The following CPAMD8 variants were observed in gnomAD, a reference collection of about 807,000 sequenced individuals.
CPAMD8 encodes C3 and PZP like alpha-2-macroglobulin domain containing 8, also known as C3 and PZP-like alpha-2-macroglobulin domain-containing protein 8.
Under a neutral mutation model 224.7 loss-of-function variants are expected in CPAMD8, and 146 were observed. The observed-to-expected ratio is 0.65, with a 90% confidence interval of 0.57 to 0.75. The LOEUF is 0.75. Among genes scored for constraint, CPAMD8 ranks in the 30% least tolerant of loss-of-function variants. The pLI is 0.00. For synonymous variants in CPAMD8, 966 were observed against 1,044.6 expected (o/e 0.92, Z 1.45); for missense variants, 2,301 against 2,537.5 (o/e 0.91, Z 2.00).
intron 6 of CPAMD8, chr19:17,008,836 C>T (rs1436669468): frequency 2.0e-6 from 1 of 500,328 alleles, no homozygotes; most frequent in Admixed American, 3.2e-5. Flanking sequence ...ACCTGTAATC[C>T]CAGCAGTTTG....
At chr19:17,001,014 G>C (rs982070140) in intron 9 of CPAMD8, among the ~76,000 whole-genome samples, 1 of 152,130 alleles carries the variant, frequency 6.6e-6, no homozygotes, top group Admixed American at 6.6e-5. Context: ...GGTGGATGGG[G>C]AACAGGAGCA....
chr19:17,002,906 T>TTC (rs2056376994), intron 8 of CPAMD8, among the ~76,000 whole-genome samples: 1 of 59,966 alleles, frequency 1.7e-5, no homozygotes, highest in Non-Finnish European at 3.4e-5. Context: ...TTTTCTTTTC[T>TTC]TTTCTTTTTT....
rs3745335 is a variant in CPAMD8, at chr19:16,977,509, G to A, written c.1617C>T (p.Asp539=). Residue 539 remains aspartate (D), a synonymous_variant, in exon 15 of 42, where the codon GAC becomes GAT. Coordinates refer to ENST00000443236, the MANE Select transcript of CPAMD8 (RefSeq NM_015692.5). The part of the protein sequence containing the change: ...EPPPAPEAEV[D]VCVTSLHLAV... ...CCAGATGAAGAGAGGTCACACACAC[G>A]TCGACCTCAGCTTCTGGGGCTGGTG... The A allele has an allele frequency of 6.9e-6, 11 of 1,604,238 alleles. No individual in the cohort carries two copies. Among genetic ancestry groups the A allele is most frequent in the African/African-American group, 2.7e-5 (2 of 74,400 alleles).
intron 18 of CPAMD8, among the ~76,000 whole-genome samples, chr19:16,969,429 A>G (rs1321802975): frequency 1.4e-4 from 21 of 152,160 alleles, no homozygotes; most frequent in Non-Finnish European, 1.5e-5. Context: ...CAGTGCACAG[A>G]ATAATCCTAC....
At position 16,914,670 on chromosome 19, in the gene CPAMD8, T is replaced by A. The variant is rs765187598; in HGVS notation, c.3773A>T (p.Asn1258Ile). Residue 1258 changes from asparagine to isoleucine, a missense_variant, in exon 28 of 42, where the codon AAC becomes ATC. Around this residue, in one of 4 missense-constraint regions of CPAMD8, gnomAD observed 1,709 missense variants for 1,753.2 expected, o/e 0.97. Coordinates refer to ENST00000443236, the MANE Select transcript of CPAMD8 (RefSeq NM_015692.5). ...GGGGCCACTCACCTGGATGTCCTTG[T>A]TCAGGACCCTGCCCACGGCCAGGAA... ...GSFLAVGRVLNKDIQGGIHGT... is the reference protein window; with the variant it reads ...GSFLAVGRVLIKDIQGGIHGT... 3 of 1,614,032 alleles carry A rather than the reference T, an allele frequency of 1.9e-6. No individual in the cohort carries two copies. In the Admixed American group the frequency reaches 5.0e-5, roughly 27 times the overall value.
At chr19:17,015,367 CA>C (rs1365235714) in intron 3 of CPAMD8, among the ~76,000 whole-genome samples, 2 of 152,340 alleles carry the variant, frequency 1.3e-5, no homozygotes, top group African/African-American at 4.8e-5. Flanking sequence ...CCCTGGTGAC[CA>C]TCACGGGGAA....
intron 7 of CPAMD8, 137 bp downstream of exon 7, chr19:17,008,368 C>T: frequency 8.9e-7 from 1 of 1,126,138 alleles, no homozygotes; most frequent in Non-Finnish European, 1.3e-6. Flanking sequence ...GGTACCTGCC[C>T]TCCGCTCCTC....
rs762166166 is a variant in CPAMD8, at chr19:16,977,403, G to C, written c.1723C>G (p.Leu575Val). ...AAGAAGGTCTCGACTGCAAACTGAA[G>C]GCTGTCGGCGACCCCTTCTCCATTC... ...RENGEGVADS[L>V]QFAVETFFEN... The change falls in exon 15 of 42, where the codon CTT becomes GTT. Residue 575 changes from leucine (L) to valine (V), a missense_variant. Transcript: ENST00000443236. The C allele has an allele frequency of 1.2e-6, 2 of 1,612,674 alleles. No individual in the cohort carries two copies. Among genetic ancestry groups the C allele is most frequent in the Admixed American group, 1.7e-5 (1 of 59,950 alleles).
At position 16,977,434 on chromosome 19, in the gene CPAMD8, G is replaced by C. The variant is rs371066423; in HGVS notation, c.1692C>G (p.Val564=). The part of the protein sequence containing the change: ...VPLGRLLVFY[V]RENGEGVADS... ...CGGCGACCCCTTCTCCATTCTCCCT[G>C]ACGTAGAAGACCAGCAGGCGACCAA... The change falls in exon 15 of 42, where the codon GTC becomes GTG. Residue 564 remains valine (V), a synonymous_variant. Coordinates refer to ENST00000443236, the MANE Select transcript of CPAMD8 (RefSeq NM_015692.5). 6.2e-7 allele frequency: 1 copy of C among 1,612,050 alleles called. No individual in the cohort carries two copies. Among genetic ancestry groups the C allele is most frequent in the African/African-American group, 1.3e-5 (1 of 74,968 alleles).
intron 24 of CPAMD8, 104 bp from the exon 25 acceptor site, chr19:16,928,338 A>G: frequency 1.2e-6 from 1 of 850,704 alleles, no homozygotes; most frequent in South Asian, 1.6e-5. Context: ...GGCCTCAGCC[A>G]TGCTCACAGT....
Position 16,914,762 on chromosome 19 carries a change from GA to G in CPAMD8, c.3680del (p.Phe1227SerfsTer31). On this transcript the variant is annotated frameshift_variant, in exon 28 of 42. Transcript: ENST00000443236. LOFTEE classifies it high-confidence loss of function. ...KSFAQARSFI[F>X]VDPRELAAAK... ...CGGCAGCCAGCTCCCGGGGGTCCAC[GA>G]AGATAAAGCTGCGAGCCTGTGCGAA... The G allele has an allele frequency of 6.8e-6, 11 of 1,614,116 alleles. No individual in the cohort carries two copies. Among genetic ancestry groups the G allele is most frequent in the Non-Finnish European group, 8.5e-6 (10 of 1,180,002 alleles).
At chr19:16,948,198 C>T (rs1235934412) in intron 20 of CPAMD8, among the ~76,000 whole-genome samples, 2 of 152,168 alleles carry the variant, frequency 1.3e-5, no homozygotes, top group Non-Finnish European at 2.9e-5. Flanking sequence ...CTGGGTGCCC[C>T]GCTAGGAATT....
intron 19 of CPAMD8, 138 bp downstream of exon 19, chr19:16,957,715 T>C: frequency 1.3e-6 from 1 of 778,462 alleles, no homozygotes; most frequent in Non-Finnish European, 2.2e-6. Flanking sequence ...TGAAGTTTTG[T>C]GTGTTAGAAA....
At chr19:16,919,151 C>T (rs917980175) in intron 27 of CPAMD8, among the ~76,000 whole-genome samples, 3 of 151,418 alleles carry the variant, frequency 2.0e-5, no homozygotes, top group Non-Finnish European at 2.9e-5. Flanking sequence ...TGCAGTGAGC[C>T]GAGATTATAC....
intron 27 of CPAMD8, among the ~76,000 whole-genome samples, chr19:16,916,599 C>A (rs1393945171): frequency 6.6e-6 from 1 of 151,490 alleles, no homozygotes; most frequent in Non-Finnish European, 1.5e-5. Context: ...ATTAGCCAGG[C>A]GTGGTGGCGG....
chr19:16,903,658 C>A, intron 33 of CPAMD8, 35 bp from the exon 34 acceptor site: 7 of 1,614,020 alleles, frequency 4.3e-6, no homozygotes, highest in Non-Finnish European at 5.9e-6. Flanking sequence ...CCCTGCTGAC[C>A]CCTCCTCCAA....
rs1215914292 is a variant in CPAMD8 at position 16,919,809 on chromosome 19, T to A, written c.3629+2096A>T. ...TGCGTTGAGTATAAGGGAACCCATC[T>A]AGAACAGATCCCAAGTTTTCAGGCT... On this transcript the variant is annotated intron_variant, in intron 27 of 41. Transcript: ENST00000443236. 2.6e-5 allele frequency among the ~76,000 whole-genome samples: 4 copies of A among 152,230 alleles called. No homozygotes were observed. In the East Asian group the frequency reaches 7.7e-4, roughly 29 times the overall value.
Position 16,993,416 on chromosome 19 carries a change from C to T in CPAMD8, c.1266G>A (p.Glu422=). The T allele has an allele frequency of 6.2e-7, 1 of 1,612,010 alleles. No individual in the cohort carries two copies. Among genetic ancestry groups the T allele is most frequent in the Non-Finnish European group, 8.5e-7 (1 of 1,179,162 alleles). ...IPTSAQHVWL[E]TKVMALNGKP... is the part of the protein sequence containing the mutation. ...ACAAGGGTCCACGGGACTCACCCAC[C>T]TCCAGCCACACGTGCTGGGCTGACG... Residue 422 remains glutamate, a splice_region_variant and synonymous_variant, in exon 12 of 42, where the codon GAG becomes GAA. Coordinates refer to ENST00000443236, the MANE Select transcript of CPAMD8 (RefSeq NM_015692.5).
intron 20 of CPAMD8, among the ~76,000 whole-genome samples, chr19:16,949,727 G>A (rs192820831): frequency 4.0e-4 from 61 of 152,270 alleles, no homozygotes; most frequent in African/African-American, 1.3e-3. Flanking sequence ...AGGTCAAGCT[G>A]CCTCCTGCTT....
Sources: gnomAD v4.1 joint callset for allele counts (sites outside exome capture counted in the v4.1 genomes callset) on GRCh38, gnomAD v4.1.1 for gene constraint, gnomAD v4.1.1 regional missense constraint, MANE v1.5 for transcripts, NCBI Gene and HGNC (gene_info 2026-07-23, HGNC 2026-07-21) for gene names.